Variants in TRAPPC3L observed in about 807,000 individuals in gnomAD.
TRAPPC3L encodes the protein trafficking protein particle complex subunit 3L.
In TRAPPC3L, 23 loss-of-function variants were observed where a neutral mutation model predicts 23.7. The observed-to-expected ratio is 0.97, with a 90% CI of 0.70 to 1.37. The LOEUF is 1.37. Among genes scored for constraint, TRAPPC3L ranks in the 40% most tolerant of loss-of-function variants. The probability of loss-of-function intolerance (pLI) is 0.00; values close to 1 mark genes in which losing one functional copy is unlikely to be tolerated. For synonymous variants in TRAPPC3L, 81 were observed against 77.9 expected, an observed-to-expected ratio of 1.04 and a Z score of -0.21; for missense variants, 212 against 216.8, an observed-to-expected ratio of 0.98 and a Z score of 0.14.
At chr6:116,528,660 A>G (rs1248611724) in intron 3 of TRAPPC3L, among the ~76,000 whole-genome samples, 1 of 152,120 alleles carries the variant, frequency 6.6e-6, no homozygotes, top group Admixed American at 6.5e-5. Flanking sequence ...TCCCTTCTCT[A>G]CTCAAAACTG....
At chr6:116,502,150 C>T (rs1368961439) in intron 3 of TRAPPC3L, among the ~76,000 whole-genome samples, 1 of 152,114 alleles carries the variant, frequency 6.6e-6, no homozygotes, top group Admixed American at 6.6e-5. Context: ...GAATGGCTAA[C>T]TAGAATAACC....
chr6:116,511,727 T>C, intron 3 of TRAPPC3L: 1 of 1,613,770 alleles, frequency 6.2e-7, no homozygotes, highest in Non-Finnish European at 8.5e-7. Context: ...TTTAAAATTC[T>C]TCCTTAATCA....
intron 3 of TRAPPC3L, among the ~76,000 whole-genome samples, chr6:116,534,102 T>C (rs528352146): frequency 7.4e-6 from 1 of 135,482 alleles, no homozygotes; most frequent in South Asian, 2.2e-4. Context: ...ATAAATTCTG[T>C]AGTGCGTTTT....
At position 116,496,987 on chromosome 6, in the gene TRAPPC3L, C is replaced by T; in HGVS notation, c.513G>A (p.Lys171=). The T allele has an allele frequency of 6.5e-7, 1 of 1,546,138 alleles. No individual in the cohort carries two copies. The change falls in exon 5 of 5, where the codon AAG becomes AAA. Residue 171 remains lysine, a synonymous_variant. Coordinates refer to ENST00000368602, the MANE Select transcript of TRAPPC3L (RefSeq NM_001139444.3). ...TCCCTCTATATTTTTTCTCGTCTCG[C>T]TTTTTTAGAAATGTTATTCCTATTT... The part of the protein sequence containing the change: ...VTEIGITFLK[K]RDEKKYRGKK
At chr6:116,540,953 A>G (rs998576243) in intron 2 of TRAPPC3L, among the ~76,000 whole-genome samples, 4 of 152,164 alleles carry the variant, frequency 2.6e-5, no homozygotes, top group African/African-American at 9.7e-5. Context: ...GAGAGCAGAA[A>G]AAATTTTTGT....
chr6:116,514,637 G>A (rs936875138), intron 3 of TRAPPC3L, among the ~76,000 whole-genome samples: 3 of 152,162 alleles, frequency 2.0e-5, no homozygotes, highest in African/African-American at 7.2e-5. Context: ...TTAAACCTGA[G>A]TAGTGCCAGT....
intron 3 of TRAPPC3L, among the ~76,000 whole-genome samples, chr6:116,530,878 A>C (rs1472946449): frequency 7.1e-6 from 1 of 140,774 alleles, no homozygotes; most frequent in Admixed American, 7.2e-5. Flanking sequence ...ATGTGAGCAG[A>C]AGGTTCATAG....
At chr6:116,502,402 G>A (rs1771931729) in intron 3 of TRAPPC3L, among the ~76,000 whole-genome samples, 3 of 152,248 alleles carry the variant, frequency 2.0e-5, no homozygotes, top group Admixed American at 2.0e-4. Flanking sequence ...CATTTGATCA[G>A]TGTACCTGAA....
chr6:116,506,930 G>A (rs1266381227), intron 3 of TRAPPC3L, among the ~76,000 whole-genome samples: 1 of 152,070 alleles, frequency 6.6e-6, no homozygotes, highest in Non-Finnish European at 1.5e-5. Flanking sequence ...GGTGATTGGT[G>A]CACCAAACCA....
chr6:116,529,429 A>T (rs888568659), intron 3 of TRAPPC3L, among the ~76,000 whole-genome samples: 11 of 152,212 alleles, frequency 7.2e-5, no homozygotes, highest in African/African-American at 2.7e-4. Flanking sequence ...GAAGGGAAAT[A>T]TGGGGTAGCC....
chr6:116,499,536 G>A (rs1188402094), intron 4 of TRAPPC3L, among the ~76,000 whole-genome samples: 1 of 152,110 alleles, frequency 6.6e-6, no homozygotes, highest in African/African-American at 2.4e-5. Context: ...CTTAAAATCA[G>A]GCTTCTGTAA....
At chr6:116,501,667 G>C (rs1771917471) in intron 3 of TRAPPC3L, among the ~76,000 whole-genome samples, 1 of 152,208 alleles carries the variant, frequency 6.6e-6, no homozygotes, top group South Asian at 2.1e-4. Context: ...AAAGCTTCCA[G>C]AGGAAGGATC....
intron 3 of TRAPPC3L, among the ~76,000 whole-genome samples, chr6:116,509,227 C>CCTGGATTGGAAGAATCAATATT (rs1247663607): frequency 1.3e-5 from 2 of 152,018 alleles, no homozygotes; most frequent in Non-Finnish European, 2.9e-5. Context: ...ATGCCATGCT[C>CCTGGATTGGAAGAATCAATATT]CTGGATTGGA....
chr6:116,532,933 TA>T (rs1412123270), intron 3 of TRAPPC3L, among the ~76,000 whole-genome samples: 1 of 152,250 alleles, frequency 6.6e-6, no homozygotes, highest in Admixed American at 6.5e-5. Flanking sequence ...TAATGCAAAC[TA>T]ATTATCTCCC....
At chr6:116,518,180 TGTGA>T (rs1193966423) in intron 3 of TRAPPC3L, 1 of 152,196 alleles carries the variant, frequency 6.6e-6, no homozygotes, top group African/African-American at 2.4e-5. Context: ...AGATAGAAGA[TGTGA>T]GTAACTTTGG....
chr6:116,516,164 T>TA, intron 3 of TRAPPC3L: 1 of 790,670 alleles, frequency 1.3e-6, no homozygotes, highest in Non-Finnish European at 1.8e-6. Flanking sequence ...CAGGATGTGC[T>TA]CAAATTGATG....
intron 3 of TRAPPC3L, among the ~76,000 whole-genome samples, chr6:116,502,864 T>C (rs1213779829): frequency 6.6e-6 from 1 of 152,046 alleles, no homozygotes. Context: ...TTACAAGAGC[T>C]CCTGAAGGAA....
intron 3 of TRAPPC3L, among the ~76,000 whole-genome samples, chr6:116,507,544 TA>T (rs35503391): frequency 0.41 from 62,624 of 152,016 alleles, 13,737 homozygotes; most frequent in East Asian, 0.56. Flanking sequence ...TTCAGTGTAT[TA>T]CACACTGTTT....
intron 3 of TRAPPC3L, among the ~76,000 whole-genome samples, chr6:116,506,027 T>A (rs907400120): frequency 6.6e-6 from 1 of 152,124 alleles, no homozygotes; most frequent in African/African-American, 2.4e-5. Context: ...CGGGATCTAA[T>A]TAAACTAAAG....
Sources: allele counts gnomAD v4.1 joint callset (sites outside exome capture counted in the v4.1 genomes callset), GRCh38; gene constraint gnomAD v4.1.1; transcripts MANE v1.5; gene names NCBI Gene and HGNC (gene_info 2026-07-23, HGNC 2026-07-21).